Variants in ZMIZ1 observed in about 807,000 individuals in gnomAD.
ZMIZ1 encodes the protein zinc finger MIZ-type containing 1.
ZMIZ1 carries 17 observed loss-of-function variants against 113.9 expected under a neutral mutation model. The observed-to-expected ratio is 0.15, with a 90% CI of 0.10 to 0.22. The LOEUF is 0.22. ZMIZ1 is among the 10% of genes least tolerant of loss of function. The pLI is 1.00. For synonymous variants in ZMIZ1, 607 were observed against 603.1 expected (o/e 1.01, Z -0.09); for missense variants, 1,059 against 1,477.8 (o/e 0.72, Z 4.65).
At chr10:79,235,287 G>A (rs1230948854) in intron 7 of ZMIZ1, among the ~76,000 whole-genome samples, 2 of 152,204 alleles carry the variant, frequency 1.3e-5, no homozygotes, top group African/African-American at 2.4e-5. Flanking sequence ...TCTCACACGG[G>A]GTGGTGAAAG....
chr10:79,312,663 C>T lies in ZMIZ1; in HGVS notation c.3118C>T (p.Pro1040Ser), dbSNP rs774159553. ...SLDLLPELTN[P>S]DELLSYLDPP... ...CCAGCTCCTTCCCGAACTCACAAAT[C>T]CTGACGAGCTCCTGTCTTATCTGGA... Residue 1040 changes from proline (P) to serine (S), a missense_variant, in exon 25 of 25, where the codon CCT becomes TCT. By Grantham distance (74) the Pro-to-Ser change is moderately conservative. Around this residue, in one of 6 missense-constraint regions of ZMIZ1, gnomAD observed 225 missense variants for 276.0 expected, o/e 0.82. Transcript: ENST00000334512. The T allele has an allele frequency of 1.2e-5, 20 of 1,614,118 alleles. No individual in the cohort carries two copies. Among genetic ancestry groups the T allele is most frequent in the Admixed American group, 1.7e-5 (1 of 60,014 alleles).
intron 1 of ZMIZ1, among the ~76,000 whole-genome samples, chr10:79,071,525 C>T (rs901048955): frequency 1.3e-5 from 2 of 152,184 alleles, no homozygotes; most frequent in Non-Finnish European, 2.9e-5. Context: ...GTTGAGCTAT[C>T]GGGGAAGTTG....
chr10:79,069,085 C>A lies in ZMIZ1; in HGVS notation c.-522C>A. ...GGGCGGCAGGCGGGCGAGCAGCGATCGGGCGGCCGAGCGAGCGAGCAACGC... is the reference window on the plus strand; with the variant it reads ...GGGCGGCAGGCGGGCGAGCAGCGATAGGGCGGCCGAGCGAGCGAGCAACGC... On this transcript the variant is annotated 5_prime_UTR_variant, in exon 1 of 25. Transcript: ENST00000334512. This position sits in a 1 kb window ranked among gnomAD's most constrained non-coding sequence, Gnocchi z 4.6. The A allele has an allele frequency of 1.3e-5, 2 of 150,570 alleles. No homozygotes were observed. The highest frequency in any genetic ancestry group is 3.6e-4 in the South Asian group (2 of 5,496). 9.3% of individuals were successfully genotyped at this position (150,570 alleles called of 1,614,324 possible). A position where few individuals can be genotyped will look rare whatever the true frequency, so the allele number is the denominator to read the frequency against.
At chr10:79,207,548 C>A (rs956406041) in intron 5 of ZMIZ1, among the ~76,000 whole-genome samples, 4 of 152,042 alleles carry the variant, frequency 2.6e-5, no homozygotes, top group Non-Finnish European at 5.9e-5. Flanking sequence ...GGGCCTGAAG[C>A]GGAACCAGGA....
intron 4 of ZMIZ1, among the ~76,000 whole-genome samples, chr10:79,171,260 A>G (rs558652482): frequency 5.3e-5 from 8 of 152,312 alleles, no homozygotes; most frequent in Admixed American, 5.2e-4. Flanking sequence ...GTCTGGGCTA[A>G]TGCCAGAGAA....
At chr10:79,245,709 C>T (rs2132857161) in intron 7 of ZMIZ1, among the ~76,000 whole-genome samples, 2 of 152,230 alleles carry the variant, frequency 1.3e-5, no homozygotes, top group Middle Eastern at 6.8e-3. Context: ...TGAATGTTGC[C>T]CCAGGGAGTA....
At chr10:79,148,925 T>C (rs1001863272) in intron 3 of ZMIZ1, among the ~76,000 whole-genome samples, 8 of 152,232 alleles carry the variant, frequency 5.3e-5, no homozygotes, top group Non-Finnish European at 1.0e-4. Context: ...GGTCTGTACG[T>C]GGCCCCGCCA....
At chr10:79,221,073 G>A (rs147539496) in intron 7 of ZMIZ1, among the ~76,000 whole-genome samples, 1 of 152,322 alleles carries the variant, frequency 6.6e-6, no homozygotes, top group Non-Finnish European at 1.5e-5. Context: ...TGTTATCTGT[G>A]TGTGGGTGCA....
At chr10:79,230,496 C>G (rs1849351115) in intron 7 of ZMIZ1, among the ~76,000 whole-genome samples, 1 of 152,216 alleles carries the variant, frequency 6.6e-6, no homozygotes, top group South Asian at 2.1e-4. Context: ...GTCTTGAGCC[C>G]ACTCTCAGAT....
At position 79,313,733 on chromosome 10, in the gene ZMIZ1, A is replaced by G; in HGVS notation, c.*984A>G. On this transcript the variant is annotated 3_prime_UTR_variant, in exon 25 of 25. Transcript: ENST00000334512. ...AAAGGAACGTTGCTCTTGGACAGCA[A>G]GCAAACCATTTCTCTCCGTCTGTTC... 1 of 302,768 alleles carries G rather than the reference A, an allele frequency of 3.3e-6. No individual in the cohort carries two copies. Among genetic ancestry groups the G allele is most frequent in the Non-Finnish European group, 6.5e-6 (1 of 152,810 alleles). 18.8% of individuals were successfully genotyped at this position (302,768 alleles called of 1,614,324 possible).
rs75206876 is a variant in ZMIZ1, at chr10:79,260,471, C to T, written c.281-16710C>T. Among the ~76,000 whole-genome samples, 1,333 of 152,206 alleles carry T rather than the reference C, an allele frequency of 8.8e-3. 11 individuals carry two copies. Among genetic ancestry groups the T allele is most frequent in the Non-Finnish European group, 0.015 (1,047 of 68,012 alleles). Reference sequence around the variant, plus strand: ...GAGTGAATCACGTGGCTGTCCAGGACGAGAACCTTCCAGGCAGAGGTGGCA... The same window carrying T: ...GAGTGAATCACGTGGCTGTCCAGGATGAGAACCTTCCAGGCAGAGGTGGCA... On this transcript the variant is annotated intron_variant, in intron 7 of 24. Coordinates refer to ENST00000334512, the MANE Select transcript of ZMIZ1 (RefSeq NM_020338.4).
chr10:79,295,732 AGCCACCAACAGGACCTCT>A (rs1389664124), intron 12 of ZMIZ1: 8 of 152,286 alleles, frequency 5.3e-5, no homozygotes, highest in African/African-American at 1.9e-4. Flanking sequence ...ACTGGGGCAC[AGCCACCAACAGGACCTCT>A]GGGCAAGAGA....
At chr10:79,312,542 G>T in intron 24 of ZMIZ1, 100 bp from the exon 25 acceptor site, 1 of 1,279,982 alleles carries the variant, frequency 7.8e-7, no homozygotes, top group Non-Finnish European at 1.1e-6. Context: ...GTCCTGAGAG[G>T]CAGGTGGAGG....
At chr10:79,202,189 G>GAAAAAA (rs58021590) in intron 5 of ZMIZ1, among the ~76,000 whole-genome samples, 8 of 52,626 alleles carry the variant, frequency 1.5e-4, no homozygotes, top group African/African-American at 2.5e-4. Flanking sequence ...CCCTGTCTCA[G>GAAAAAA]AAAAAAAAAA....
chr10:79,297,785 A>G lies in ZMIZ1; in HGVS notation c.1491+95A>G, dbSNP rs1854002968. 3 of 1,133,992 alleles carry G rather than the reference A, an allele frequency of 2.6e-6. No homozygotes were observed. The South Asian group carries it at 3.9e-5, about 15-fold the overall frequency. 70.2% of individuals were successfully genotyped at this position (1,133,992 alleles called of 1,614,324 possible). A position where few individuals can be genotyped will look rare whatever the true frequency, so the allele number is the denominator to read the frequency against. ...CTGCTCCAGCCTCTCTGGACATTCAAAGGGGCCCATGGGTGGGGGTGCACT... is the reference window on the plus strand; with the variant it reads ...CTGCTCCAGCCTCTCTGGACATTCAGAGGGGCCCATGGGTGGGGGTGCACT... On this transcript the variant is annotated intron_variant, in intron 14 of 24. Transcript: ENST00000334512.
intron 4 of ZMIZ1, among the ~76,000 whole-genome samples, chr10:79,190,231 C>T (rs74142329): frequency 0.052 from 7,884 of 152,268 alleles, 281 homozygotes; most frequent in East Asian, 0.15. Flanking sequence ...AGGGCAGGCC[C>T]GTTTGAGCTG....
intron 7 of ZMIZ1, among the ~76,000 whole-genome samples, chr10:79,250,631 G>T (rs775206763): frequency 6.6e-6 from 1 of 152,218 alleles, no homozygotes; most frequent in African/African-American, 2.4e-5. Flanking sequence ...CTTCTTCCTT[G>T]AGGTCTACCC....
At chr10:79,234,195 T>TA (rs1283037209) in intron 7 of ZMIZ1, among the ~76,000 whole-genome samples, 2 of 152,062 alleles carry the variant, frequency 1.3e-5, no homozygotes, top group African/African-American at 4.8e-5. Context: ...GCAGAGAACA[T>TA]AGTTTGGAGG....
At chr10:79,102,056 C>T (rs1436113108) in intron 1 of ZMIZ1, among the ~76,000 whole-genome samples, 1 of 152,216 alleles carries the variant, frequency 6.6e-6, no homozygotes, top group African/African-American at 2.4e-5. Context: ...ACTCTGGCTC[C>T]TGCTCTCAAG....
Sources: gnomAD v4.1 joint callset for allele counts (sites outside exome capture counted in the v4.1 genomes callset) on GRCh38, gnomAD v4.1.1 for gene constraint, gnomAD v4.1.1 regional missense constraint, Gnocchi (gnomAD v3.1) non-coding constraint, MANE v1.5 for transcripts, NCBI Gene and HGNC (gene_info 2026-07-23, HGNC 2026-07-21) for gene names.